SDK1: variants seen among roughly 807,000 people sequenced by gnomAD.
SDK1 encodes sidekick cell adhesion molecule 1, also known as protein sidekick-1.
A neutral mutation model predicts 245.5 loss-of-function variants in SDK1; 157 were observed. That is an observed-to-expected ratio of 0.64 (90% CI 0.56 to 0.73). The LOEUF (loss-of-function observed/expected upper bound fraction) is 0.73. Ranked by LOEUF, SDK1 falls within the 30% of genes least tolerant of loss-of-function variation. The probability of loss-of-function intolerance (pLI) is 0.00; values close to 1 mark genes in which losing one functional copy is unlikely to be tolerated. For missense variants in SDK1, 3,583 were observed against 3,002.3 expected (o/e 1.19, Z -4.52); for synonymous variants, 1,647 against 1,278.5 (o/e 1.29, Z -6.15).
In SDK1 at chr7:3,436,687, T is replaced by C. The variant is rs1009086992; in HGVS notation, c.298+134803T>C. Among the ~76,000 whole-genome samples the C allele has an allele frequency of 3.3e-5, 5 of 152,218 alleles. No homozygotes were observed. In the South Asian group the frequency reaches 1.0e-3, roughly 32 times the overall value. ...CTCTTATTTTTATCGTGTAATATTT[T>C]GAAGGTGACTGAACCTTAAAAGAAG... On this transcript the variant is annotated intron_variant, in intron 1 of 44. Transcript: ENST00000404826.
intron 17 of SDK1, among the ~76,000 whole-genome samples, chr7:4,032,105 G>A (rs552107816): frequency 2.6e-5 from 4 of 151,904 alleles, no homozygotes; most frequent in African/African-American, 7.2e-5. Flanking sequence ...ACCCAAACAG[G>A]TCCAAAGAAT....
intron 42 of SDK1, among the ~76,000 whole-genome samples, chr7:4,240,911 G>A (rs1786477181): frequency 6.6e-6 from 1 of 152,166 alleles, no homozygotes; most frequent in Non-Finnish European, 1.5e-5. Context: ...AGGGGCTGAG[G>A]GCTGGAAGAT....
At chr7:3,884,263 G>C (rs1213235111) in intron 5 of SDK1, among the ~76,000 whole-genome samples, 2 of 152,020 alleles carry the variant, frequency 1.3e-5, no homozygotes, top group Non-Finnish European at 2.9e-5. Context: ...TTTCCTTGTA[G>C]CTTTTTGATG....
intron 5 of SDK1, among the ~76,000 whole-genome samples, chr7:3,872,750 A>C (rs1037198476): frequency 6.6e-6 from 1 of 151,892 alleles, no homozygotes; most frequent in South Asian, 2.1e-4. Flanking sequence ...CTTTTTTCTG[A>C]AAACTTTCAT....
intron 16 of SDK1, among the ~76,000 whole-genome samples, chr7:4,014,155 C>G (rs1242975261): frequency 6.6e-6 from 1 of 152,234 alleles, no homozygotes; most frequent in East Asian, 1.9e-4. Flanking sequence ...GGAAGAGTTT[C>G]CTTAGGCTGA....
At chr7:3,711,141 C>G (rs569860057) in intron 4 of SDK1, among the ~76,000 whole-genome samples, 24 of 152,310 alleles carry the variant, frequency 1.6e-4, no homozygotes, top group Non-Finnish European at 2.6e-4. Context: ...AAAGTTGACA[C>G]ACTTTAATCA....
intron 1 of SDK1, among the ~76,000 whole-genome samples, chr7:3,408,172 G>A (rs978582018): frequency 2.0e-5 from 3 of 151,962 alleles, no homozygotes; most frequent in African/African-American, 7.3e-5. Context: ...TGAGTAGCTG[G>A]GACTACAGAT....
rs562025761 is a variant in SDK1, at chr7:3,768,163, C to G, written c.714-53287C>G. Among the ~76,000 whole-genome samples, 49 of 152,286 alleles carry G rather than the reference C, an allele frequency of 3.2e-4. 1 individual carries two copies. Among genetic ancestry groups the G allele is most frequent in the African/African-American group, 1.1e-3 (45 of 41,578 alleles). On this transcript the variant is annotated intron_variant, in intron 4 of 44. Coordinates refer to ENST00000404826, the MANE Select transcript of SDK1 (RefSeq NM_152744.4). ...TTCTGGTTGGTAGTTTAGCAACCAG[C>G]TTTCTAATTGCATTTACTATTCTCT... is the stretch of plus-strand genomic sequence containing the variant.
intron 4 of SDK1, among the ~76,000 whole-genome samples, chr7:3,770,011 A>AT (rs1386143687): frequency 1.3e-5 from 2 of 151,608 alleles, no homozygotes; most frequent in Non-Finnish European, 2.9e-5. Context: ...AAGTTCACAT[A>AT]TCCCTACTAC....
intron 1 of SDK1, among the ~76,000 whole-genome samples, chr7:3,326,438 AT>A (rs1172795488): frequency 1.3e-5 from 2 of 152,170 alleles, no homozygotes; most frequent in Non-Finnish European, 2.9e-5. Context: ...ATCACTAGAC[AT>A]TGAAGTTGTT....
rs1381452662 is a variant in SDK1 at position 3,301,422 on chromosome 7, C to T, written c.-165C>T. 5 of 152,832 alleles carry T rather than the reference C, an allele frequency of 3.3e-5. No homozygotes were observed. Among genetic ancestry groups the T allele is most frequent in the Non-Finnish European group, 5.6e-5 (4 of 71,762 alleles). 9.5% of individuals were successfully genotyped at this position (152,832 alleles called of 1,614,324 possible). A position where few individuals can be genotyped will look rare whatever the true frequency, so the allele number is the denominator to read the frequency against. Reference sequence around the variant, plus strand: ...CTCGTCCCCGGCCCGCGCCGCGCCCCTCACGCGGGGACCCAGGACGCCGCC... The same window carrying T: ...CTCGTCCCCGGCCCGCGCCGCGCCCTTCACGCGGGGACCCAGGACGCCGCC... On this transcript the variant is annotated 5_prime_UTR_variant, in exon 1 of 45. Transcript: ENST00000404826.
At chr7:3,330,827 A>C (rs918184035) in intron 1 of SDK1, among the ~76,000 whole-genome samples, 6 of 150,846 alleles carry the variant, frequency 4.0e-5, no homozygotes, top group African/African-American at 1.5e-4. Context: ...AAAAAAAAAA[A>C]ACCAGGTGTG....
intron 20 of SDK1, among the ~76,000 whole-genome samples, chr7:4,073,992 C>A (rs1348999302): frequency 6.6e-6 from 1 of 152,074 alleles, no homozygotes; most frequent in East Asian, 1.9e-4. Context: ...ACAGTCTTCC[C>A]GGACATCGCC....
At chr7:3,765,546 C>G (rs1780230499) in intron 4 of SDK1, among the ~76,000 whole-genome samples, 1 of 152,144 alleles carries the variant, frequency 6.6e-6, no homozygotes, top group African/African-American at 2.4e-5. Flanking sequence ...GTAGTGTCCA[C>G]CTGTATCTGT....
intron 4 of SDK1, among the ~76,000 whole-genome samples, chr7:3,799,775 C>T (rs183515282): frequency 9.9e-5 from 15 of 151,746 alleles, no homozygotes; most frequent in Middle Eastern, 6.9e-3. Flanking sequence ...TTCTCTCTAC[C>T]CTTGCCTGAG....
intron 10 of SDK1, among the ~76,000 whole-genome samples, chr7:3,968,730 T>G (rs184197802): frequency 6.6e-6 from 1 of 152,356 alleles, no homozygotes; most frequent in African/African-American, 2.4e-5. Flanking sequence ...TTTGTTATTC[T>G]AAACAGTGCT....
chr7:3,350,601 C>A, intron 1 of SDK1, among the ~76,000 whole-genome samples: 1 of 152,178 alleles, frequency 6.6e-6, no homozygotes, highest in Admixed American at 6.5e-5. Context: ...TCCTAATCAA[C>A]TCTAGACCAT....
rs531420629 is a variant in SDK1 at position 3,817,351 on chromosome 7, GA to G, written c.714-4097del. On this transcript the variant is annotated intron_variant, in intron 4 of 44. Transcript: ENST00000404826. Reference sequence around the variant, plus strand: ...ACCCAATCGAAGCTCTATGGGACATGAACAGTGTGTCCTGGTTCAGGTTAGT... The same window carrying G: ...ACCCAATCGAAGCTCTATGGGACATGACAGTGTGTCCTGGTTCAGGTTAGT... Among the ~76,000 whole-genome samples, 386 of 152,326 alleles carry G rather than the reference GA, an allele frequency of 2.5e-3. 5 individuals are homozygous for G. Among genetic ancestry groups the G allele is most frequent in the African/African-American group, 8.2e-3 (340 of 41,562 alleles).
At chr7:3,316,482 A>G (rs1306106302) in intron 1 of SDK1, among the ~76,000 whole-genome samples, 2 of 152,226 alleles carry the variant, frequency 1.3e-5, no homozygotes, top group South Asian at 4.1e-4. Flanking sequence ...AGAATTGCCT[A>G]ATAGTGCATT....
Sources: gnomAD v4.1 joint callset for allele counts (sites outside exome capture counted in the v4.1 genomes callset) on GRCh38, gnomAD v4.1.1 for gene constraint, MANE v1.5 for transcripts, NCBI Gene and HGNC (gene_info 2026-07-23, HGNC 2026-07-21) for gene names.